Variants in VPS41 observed in about 807,000 individuals in gnomAD.
VPS41 encodes VPS41 subunit of HOPS complex, also known as vacuolar protein sorting-associated protein 41 homolog.
VPS41 carries 85 observed loss-of-function variants against 130.9 expected under a neutral mutation model. The observed-to-expected ratio is 0.65, with a 90% CI of 0.55 to 0.78. The LOEUF is 0.78. Among genes scored for constraint, VPS41 ranks in the 30% least tolerant of loss-of-function variants. VPS41 has a pLI of 0.00. For synonymous variants in VPS41, 335 were observed against 332.9 expected, an observed-to-expected ratio of 1.01 and a Z score of -0.07; for missense variants, 874 against 1,018.7, an observed-to-expected ratio of 0.86 and a Z score of 1.93.
chr7:38,867,939 C>A lies in VPS41; in HGVS notation c.168+1207G>T, dbSNP rs576216048. The stretch of plus-strand genomic sequence containing the variant: ...AGGATAATCAATCATTTCATAGACA[C>A]AGAAAAATAAAAGAAAAAGAATGAA... On this transcript the variant is annotated intron_variant, in intron 3 of 28. Transcript: ENST00000310301. Among the ~76,000 whole-genome samples, 13 of 152,122 alleles carry A rather than the reference C, an allele frequency of 8.5e-5. No individual in the cohort carries two copies. The South Asian group carries it at 2.7e-3, about 32-fold the overall frequency.
Position 38,726,050 on chromosome 7 carries a change from G to A in VPS41, c.*196C>T. On this transcript the variant is annotated 3_prime_UTR_variant, in exon 29 of 29. Coordinates refer to ENST00000310301, the MANE Select transcript of VPS41 (RefSeq NM_014396.4). ...TCACTATGGACCCCAAAATTTCAAGGCATGAAGAGAGCCCCAAATTCTCTG... is the reference window on the plus strand; with the variant it reads ...TCACTATGGACCCCAAAATTTCAAGACATGAAGAGAGCCCCAAATTCTCTG... The A allele has an allele frequency of 1.8e-6, 1 of 548,008 alleles. No homozygotes were observed. The highest frequency in any genetic ancestry group is 3.2e-6 in the Non-Finnish European group (1 of 309,596). 33.9% of individuals were successfully genotyped at this position (548,008 alleles called of 1,614,324 possible).
chr7:38,750,484 A>T (rs192452921), intron 22 of VPS41, among the ~76,000 whole-genome samples: 112 of 152,340 alleles, frequency 7.4e-4, no homozygotes, highest in Non-Finnish European at 5.9e-4. Context: ...ATAAATTTTT[A>T]AAAATAACTG....
At chr7:38,783,657 C>T (rs1007951620) in intron 10 of VPS41, among the ~76,000 whole-genome samples, 1 of 151,924 alleles carries the variant, frequency 6.6e-6, no homozygotes, top group African/African-American at 2.4e-5. Flanking sequence ...AGGGTGGAAA[C>T]AGCAGCAATA....
At chr7:38,755,007 G>C (rs922109787) in intron 19 of VPS41, 71 bp from the exon 20 acceptor site, 2 of 1,424,256 alleles carry the variant, frequency 1.4e-6, no homozygotes, top group Admixed American at 3.4e-5. Context: ...ACACAATGCA[G>C]TGTACCTACC....
chr7:38,760,861 T>C (rs1477012653), intron 17 of VPS41, among the ~76,000 whole-genome samples: 3 of 152,118 alleles, frequency 2.0e-5, no homozygotes, highest in Non-Finnish European at 4.4e-5. Flanking sequence ...AACAATGTGA[T>C]AGAAGCTGCT....
intron 1 of VPS41, among the ~76,000 whole-genome samples, chr7:38,901,839 T>C (rs971395467): frequency 6.6e-6 from 1 of 152,124 alleles, no homozygotes; most frequent in Non-Finnish European, 1.5e-5. Context: ...TTGAGACCAG[T>C]GTGGGCAACA....
At chr7:38,745,773 A>G (rs1412809607) in intron 22 of VPS41, 160 bp from the exon 23 acceptor site, 2 of 642,630 alleles carry the variant, frequency 3.1e-6, no homozygotes, top group African/African-American at 3.7e-5. Flanking sequence ...GAATAGCTGC[A>G]CTCAGTTACC....
chr7:38,803,396 G>C (rs1262442894), intron 7 of VPS41, among the ~76,000 whole-genome samples: 1 of 152,142 alleles, frequency 6.6e-6, no homozygotes, highest in Non-Finnish European at 1.5e-5. Context: ...CAAGAAAGTG[G>C]GCAAGATTCA....
At chr7:38,802,028 A>G (rs1463886982) in intron 7 of VPS41, among the ~76,000 whole-genome samples, 2 of 152,192 alleles carry the variant, frequency 1.3e-5, no homozygotes, top group African/African-American at 2.4e-5. Context: ...GAAAGGGCTC[A>G]CTTCTATGGA....
At chr7:38,854,823 C>T (rs958699267) in intron 4 of VPS41, among the ~76,000 whole-genome samples, 6 of 129,638 alleles carry the variant, frequency 4.6e-5, no homozygotes, top group Admixed American at 8.4e-5. Flanking sequence ...ATAATTGTGA[C>T]AAAAGTACCG....
intron 2 of VPS41, among the ~76,000 whole-genome samples, chr7:38,870,822 TTAA>T (rs760168201): frequency 1.1e-3 from 107 of 97,468 alleles, no homozygotes; most frequent in Non-Finnish European, 1.4e-3. Flanking sequence ...TTCTAATCTG[TTAA>T]AAAAAAAAAA....
chr7:38,873,662 TGA>T (rs1786423852), intron 2 of VPS41, among the ~76,000 whole-genome samples: 1 of 152,190 alleles, frequency 6.6e-6, no homozygotes, highest in Admixed American at 6.5e-5. Context: ...AGCGAAGATA[TGA>T]ACAGAGTGAC....
intron 2 of VPS41, among the ~76,000 whole-genome samples, chr7:38,887,885 A>C (rs1299823393): frequency 6.6e-6 from 1 of 152,206 alleles, no homozygotes; most frequent in Non-Finnish European, 1.5e-5. Flanking sequence ...CAACATTCTT[A>C]AAGAAAAGAA....
At chr7:38,852,284 T>A (rs1400567015) in intron 4 of VPS41, among the ~76,000 whole-genome samples, 1 of 152,178 alleles carries the variant, frequency 6.6e-6, no homozygotes, top group African/African-American at 2.4e-5. Context: ...CCTCCCGGCA[T>A]CACCTCATTG....
At chr7:38,748,845 G>A (rs1235131286) in intron 22 of VPS41, among the ~76,000 whole-genome samples, 5 of 151,918 alleles carry the variant, frequency 3.3e-5, no homozygotes, top group Non-Finnish European at 5.9e-5. Context: ...TCTAAGTCTT[G>A]GTCCCTCAAC....
Position 38,821,210 on chromosome 7 carries a change from G to T in VPS41, c.377C>A (p.Pro126His). The change falls in exon 6 of 29, where the codon CCC becomes CAC. Residue 126 changes from proline (P) to histidine (H), a missense_variant. Pro to His is a moderately conservative substitution (Grantham distance 77, BLOSUM62 -2). Transcript: ENST00000310301. ...GEEFHETFDC[P>H]IKIIAVHPHF... is the part of the protein sequence containing the mutation. ...AACTTGCTGAATACTTACTTTAATG[G>T]GACAGTCAAAAGTCTCGTGAAATTC... 6.2e-7 allele frequency: 1 copy of T among 1,612,928 alleles called. No homozygotes were observed. Among genetic ancestry groups the T allele is most frequent in the South Asian group, 1.1e-5 (1 of 90,966 alleles).
At chr7:38,728,290 C>T in intron 27 of VPS41, 1 of 646,458 alleles carries the variant, frequency 1.5e-6, no homozygotes, top group East Asian at 2.7e-5. Flanking sequence ...GGGAGTCTGA[C>T]TGGGTCAGCG....
chr7:38,865,141 T>A (rs553438092), intron 3 of VPS41, among the ~76,000 whole-genome samples: 117 of 152,296 alleles, frequency 7.7e-4, no homozygotes, highest in Non-Finnish European at 1.2e-3. Flanking sequence ...CAATTACACA[T>A]GAGGAAATAA....
At chr7:38,760,891 T>C (rs1236568265) in intron 17 of VPS41, among the ~76,000 whole-genome samples, 2 of 152,150 alleles carry the variant, frequency 1.3e-5, no homozygotes, top group Admixed American at 6.5e-5. Flanking sequence ...CACCAGGATT[T>C]GGTAAGAAAA....
Sources: allele counts gnomAD v4.1 joint callset (sites outside exome capture counted in the v4.1 genomes callset), GRCh38; gene constraint gnomAD v4.1.1; transcripts MANE v1.5; gene names NCBI Gene and HGNC (gene_info 2026-07-23, HGNC 2026-07-21).